SPINT3: variants seen among roughly 807,000 people sequenced by gnomAD.
The protein encoded by SPINT3 is kunitz-type protease inhibitor 3.
In SPINT3, 4 loss-of-function variants were observed where a neutral mutation model predicts 3.3. The ratio of observed to expected loss-of-function variants is 1.22; its 90% CI spans 0.60 to 2.79. The LOEUF (loss-of-function observed/expected upper bound fraction) is 2.79, where lower values mean the gene tolerates loss of function less well. SPINT3 is among the 30% of genes most tolerant of loss of function. SPINT3 has a pLI of 0.01. For synonymous variants in SPINT3, 30 were observed against 38.6 expected (o/e 0.78, Z 0.83); for missense variants, 97 against 104.3 (o/e 0.93, Z 0.31).
chr20:45,513,045 G>A (rs894261982), intron 1 of SPINT3, among the ~76,000 whole-genome samples: 6 of 152,230 alleles, frequency 3.9e-5, no homozygotes, highest in Non-Finnish European at 8.8e-5. Flanking sequence ...GCCTGATGTG[G>A]TGATAATCAT....
chr20:45,515,506 C>A (rs1568980529), intron 1 of SPINT3, 27 bp downstream of exon 1: 2 of 1,442,102 alleles, frequency 1.4e-6, no homozygotes, highest in East Asian at 2.7e-5. Flanking sequence ...CCAGTCTATT[C>A]TTTGAGATCC....
Position 45,512,683 on chromosome 20 carries a change from C to G in SPINT3, c.238G>C (p.Glu80Gln). ...GGNSNNFLRKEKCEKFCKFT is the reference protein window; with the variant it reads ...GGNSNNFLRKQKCEKFCKFT ...AACTTGCAGAATTTCTCACATTTTT[C>G]TTTCCTCAAAAAGTTGTTGCTGTTG... Residue 80 changes from glutamate to glutamine, a missense_variant, in exon 2 of 2, where the codon GAA (glutamate) becomes CAA (glutamine). Transcript: ENST00000217428. 1.9e-6 allele frequency: 3 copies of G among 1,551,442 alleles called. No individual in the cohort carries two copies. The highest frequency in any genetic ancestry group is 3.3e-4 in the Middle Eastern group (2 of 5,990).
chr20:45,514,778 C>T (rs1250051461), intron 1 of SPINT3, among the ~76,000 whole-genome samples: 3 of 152,198 alleles, frequency 2.0e-5, no homozygotes, highest in Non-Finnish European at 4.4e-5. Flanking sequence ...GTCTAAGAAT[C>T]TATCATTAAT....
At chr20:45,515,478 C>T (rs8125061) in intron 1 of SPINT3, 55 bp downstream of exon 1, 544,058 of 1,323,618 alleles carry the variant, frequency 0.41, 127,975 homozygotes, top group Non-Finnish European at 0.46. Flanking sequence ...CCCACCACCC[C>T]GCCCCCCAGC....
chr20:45,512,751 T>G lies in SPINT3; in HGVS notation c.170A>C (p.Glu57Ala). The change falls in exon 2 of 2, where the codon GAA (glutamate) becomes GCA (alanine). Residue 57 changes from glutamate to alanine, a missense_variant. By Grantham distance (107) the Glu-to-Ala change is moderately radical (BLOSUM62 -1). Coordinates refer to ENST00000217428, the MANE Select transcript of SPINT3 (RefSeq NM_006652.2). ...AGCAAATAACTCACATTCACCAGTTTCAAAGTTGAAAAACCATCGCGTCAT... is the reference window on the plus strand; with the variant it reads ...AGCAAATAACTCACATTCACCAGTTGCAAAGTTGAAAAACCATCGCGTCAT... Reference protein sequence around the residue: ...TYMTRWFFNFETGECELFAYG... With the variant: ...TYMTRWFFNFATGECELFAYG... 1 of 1,551,700 alleles carries G rather than the reference T, an allele frequency of 6.4e-7. No homozygotes were observed. The highest frequency in any genetic ancestry group is 8.7e-7 in the Non-Finnish European group (1 of 1,146,998).
intron 1 of SPINT3, among the ~76,000 whole-genome samples, chr20:45,514,853 A>G (rs1309420819): frequency 6.6e-6 from 1 of 152,222 alleles, no homozygotes; most frequent in Non-Finnish European, 1.5e-5. Context: ...TGGCACATTG[A>G]CAGTGATAAT....
rs1243230571 is a variant in SPINT3, at chr20:45,512,911, G to A, written c.77-67C>T. 5.9e-6 allele frequency: 8 copies of A among 1,366,404 alleles called. No homozygotes were observed. In the South Asian group the frequency reaches 6.6e-5, roughly 11 times the overall value. 84.6% of individuals were successfully genotyped at this position (1,366,404 alleles called of 1,614,324 possible). On this transcript the variant is annotated intron_variant, in intron 1 of 1. Transcript: ENST00000217428. ...TTCTCCTTGTTTGCCTCATATGCCA[G>A]GGGCTGTGACAGCCCTGGGCACAAT...
Position 45,515,453 on chromosome 20 carries a change from T to C in SPINT3, c.76+80A>G, listed in dbSNP as rs924949758. On this transcript the variant is annotated intron_variant, in intron 1 of 1. Transcript: ENST00000217428. ...TAAGGTAAGAAATGGGCTCTGTTTG[T>C]GCTGCATCACCTCCCCCACCACCCC... 28 of 1,198,496 alleles carry C rather than the reference T, an allele frequency of 2.3e-5. No individual in the cohort carries two copies. In the African/African-American group the frequency reaches 3.5e-4, roughly 15 times the overall value. 74.2% of individuals were successfully genotyped at this position (1,198,496 alleles called of 1,614,324 possible).
chr20:45,514,738 G>C (rs1456391079), intron 1 of SPINT3, among the ~76,000 whole-genome samples: 2 of 152,168 alleles, frequency 1.3e-5, no homozygotes, highest in African/African-American at 4.8e-5. Flanking sequence ...TCATCTATAA[G>C]GTTATTGGGA....
In SPINT3 at chr20:45,513,643, G is replaced by C. The variant is rs550300126; in HGVS notation, c.77-799C>G. Among the ~76,000 whole-genome samples the C allele has an allele frequency of 3.3e-5, 5 of 152,302 alleles. No individual in the cohort carries two copies. In the South Asian group the frequency reaches 1.0e-3, roughly 32 times the overall value. On this transcript the variant is annotated intron_variant, in intron 1 of 1. Transcript: ENST00000217428. ...AGTTCTCAGTTCTTAGCAAATATTT[G>C]TTAATAGAAAACCACCACCACCACC... is the stretch of plus-strand genomic sequence containing the variant.
rs973300670 is a variant in SPINT3, at chr20:45,512,553, C to A, written c.*98G>T. On this transcript the variant is annotated 3_prime_UTR_variant, in exon 2 of 2. Coordinates refer to ENST00000217428, the MANE Select transcript of SPINT3 (RefSeq NM_006652.2). The stretch of plus-strand genomic sequence containing the variant: ...ATAAATGTGGGGGTAGAGGAATGAA[C>A]CTCTTGTTCACACACACACACACAC... 15 of 1,148,960 alleles carry A rather than the reference C, an allele frequency of 1.3e-5. No homozygotes were observed. The African/African-American group carries it at 2.4e-4, about 18-fold the overall frequency. The allele number at this position is 1,148,960 out of a possible 1,614,324, so 71.2% of individuals were successfully genotyped here.
Position 45,512,466 on chromosome 20 carries a change from T to C in SPINT3, c.*185A>G. 3.3e-6 allele frequency: 2 copies of C among 614,896 alleles called. No homozygotes were observed. Among genetic ancestry groups the C allele is most frequent in the East Asian group, 2.8e-5 (1 of 35,810 alleles). The allele number at this position is 614,896 out of a possible 1,614,324, so 38.1% of individuals were successfully genotyped here. ...GGAGGTCTTGAGATTGTAAACATGA[T>C]TGCAACATTTATAGAATTTCAGGCA... On this transcript the variant is annotated 3_prime_UTR_variant, in exon 2 of 2. Coordinates refer to ENST00000217428, the MANE Select transcript of SPINT3 (RefSeq NM_006652.2).
rs11468934 is a variant in SPINT3, at chr20:45,512,561, TCACACA to T, written c.*84_*89del. 0.48 allele frequency: 535,677 copies of T among 1,111,332 alleles called. 112,859 individuals carry two copies. Among genetic ancestry groups the T allele is most frequent in the African/African-American group, 0.52 (32,467 of 62,764 alleles). The allele number at this position is 1,111,332 out of a possible 1,614,324, so 68.8% of individuals were successfully genotyped here. On this transcript the variant is annotated 3_prime_UTR_variant, in exon 2 of 2. Transcript: ENST00000217428. ...GGGGGTAGAGGAATGAACCTCTTGT[TCACACA>T]CACACACACACACACACGCAAATGC...
intron 1 of SPINT3, 57 bp downstream of exon 1, chr20:45,515,476 C>T (rs1978847029): frequency 1.4e-6 from 2 of 1,410,374 alleles, no homozygotes; most frequent in Non-Finnish European, 2.0e-6. Context: ...CCCCCACCAC[C>T]CCGCCCCCCA....
chr20:45,513,982 T>C (rs908458720), intron 1 of SPINT3, among the ~76,000 whole-genome samples: 1 of 152,236 alleles, frequency 6.6e-6, no homozygotes, highest in East Asian at 1.9e-4. Context: ...GCCTAGGGCT[T>C]GGAAAGGTTC....
chr20:45,514,270 T>C (rs146031308), intron 1 of SPINT3, among the ~76,000 whole-genome samples: 1 of 152,326 alleles, frequency 6.6e-6, no homozygotes, highest in Non-Finnish European at 1.5e-5. Flanking sequence ...GTAAAGTAGA[T>C]AATGACACCC....
chr20:45,513,645 T>A (rs568549526), intron 1 of SPINT3, among the ~76,000 whole-genome samples: 72 of 152,326 alleles, frequency 4.7e-4, no homozygotes, highest in African/African-American at 1.7e-3. Flanking sequence ...AAATATTTGT[T>A]AATAGAAAAC....
intron 1 of SPINT3, among the ~76,000 whole-genome samples, chr20:45,514,038 C>A (rs992548042): frequency 6.6e-5 from 10 of 152,314 alleles, no homozygotes; most frequent in African/African-American, 2.2e-4. Flanking sequence ...GCTAAGGGTG[C>A]AGGAGAATGG....
chr20:45,514,692 A>T (rs770131670), intron 1 of SPINT3, among the ~76,000 whole-genome samples: 2 of 152,210 alleles, frequency 1.3e-5, no homozygotes, highest in Non-Finnish European at 2.9e-5. Flanking sequence ...TGCTGCTGCT[A>T]TTGCTGTCAG....
Sources: gnomAD v4.1 joint callset for allele counts (sites outside exome capture counted in the v4.1 genomes callset) on GRCh38, gnomAD v4.1.1 for gene constraint, MANE v1.5 for transcripts, NCBI Gene and HGNC (gene_info 2026-07-23, HGNC 2026-07-21) for gene names.